SLC25A26: variants seen among roughly 807,000 people sequenced by gnomAD.
The protein encoded by SLC25A26 is solute carrier family 25 member 26.
SLC25A26 carries 36 observed loss-of-function variants against 37.8 expected under a neutral mutation model. The observed-to-expected ratio is 0.95, with a 90% CI of 0.73 to 1.26. The LOEUF (loss-of-function observed/expected upper bound fraction) is 1.26, where lower values mean the gene tolerates loss of function less well. Among genes scored for constraint, SLC25A26 ranks in the 50% most tolerant of loss-of-function variants. The probability of loss-of-function intolerance (pLI) is 0.00; values close to 1 mark genes in which losing one functional copy is unlikely to be tolerated. For synonymous variants in SLC25A26, 129 were observed against 122.5 expected, an observed-to-expected ratio of 1.05 and a Z score of -0.35; for missense variants, 390 against 331.1, an observed-to-expected ratio of 1.18 and a Z score of -1.38.
At position 66,298,679 on chromosome 3, in the gene SLC25A26, A is replaced by G. The variant is rs2074980757; in HGVS notation, c.453+35300A>G. 2.0e-5 allele frequency among the ~76,000 whole-genome samples: 3 copies of G among 152,212 alleles called. No homozygotes were observed. In the South Asian group the frequency reaches 6.2e-4, roughly 31 times the overall value. On this transcript the variant is annotated intron_variant, in intron 5 of 9. Transcript: ENST00000354883. ...GAATTGACTTTTTCCTCAGTGCTAA[A>G]AGCTGCTAGAAATGAGCACCAGTCA...
chr3:66,374,239 T>C (rs1448296607), intron 9 of SLC25A26, among the ~76,000 whole-genome samples: 1 of 152,184 alleles, frequency 6.6e-6, no homozygotes, highest in Non-Finnish European at 1.5e-5. Context: ...GAGCGAGTCT[T>C]GCAGAGCCCT....
intron 1 of SLC25A26, among the ~76,000 whole-genome samples, chr3:66,149,720 G>T (rs1470010069): frequency 2.0e-5 from 3 of 152,178 alleles, no homozygotes; most frequent in African/African-American, 7.2e-5. Flanking sequence ...TTGCTCAACT[G>T]TAAAATGTGT....
chr3:66,163,123 C>T (rs570974019), intron 1 of SLC25A26, among the ~76,000 whole-genome samples: 3 of 152,248 alleles, frequency 2.0e-5, no homozygotes, highest in East Asian at 3.9e-4. Context: ...AATGTTCACT[C>T]TTTTAAAGAG....
chr3:66,218,559 A>T (rs1017799315), upstream of SLC25A26, among the ~76,000 whole-genome samples: 1 of 152,182 alleles, frequency 6.6e-6, no homozygotes, highest in Non-Finnish European at 1.5e-5. Context: ...AGTGATCCTC[A>T]TCTTCCGGTA....
At chr3:66,249,146 A>G (rs2072975765) in intron 3 of SLC25A26, among the ~76,000 whole-genome samples, 1 of 152,202 alleles carries the variant, frequency 6.6e-6, no homozygotes, top group African/African-American at 2.4e-5. Flanking sequence ...GGCTAGTTTA[A>G]TAAACTGGTT....
intron 1 of SLC25A26, among the ~76,000 whole-genome samples, chr3:66,180,574 T>C (rs36151173): frequency 0.59 from 90,435 of 152,028 alleles, 27,661 homozygotes; most frequent in African/African-American, 0.71. Context: ...TGCACAAAAC[T>C]TGCTTCGTTC....
chr3:66,345,038 C>G (rs142128095), intron 5 of SLC25A26, among the ~76,000 whole-genome samples: 4 of 152,294 alleles, frequency 2.6e-5, no homozygotes, highest in African/African-American at 9.6e-5. Flanking sequence ...TTACAAAGTG[C>G]ATATTTGCAG....
At chr3:66,281,865 C>T (rs1186060095) in intron 5 of SLC25A26, among the ~76,000 whole-genome samples, 1 of 149,126 alleles carries the variant, frequency 6.7e-6, no homozygotes, top group Non-Finnish European at 1.5e-5. Flanking sequence ...TTCTGTTGCC[C>T]AGGCTGGAGT....
At chr3:66,150,601 GAGATATATATATATATATATATATAT>G (rs2070189287) in intron 1 of SLC25A26, among the ~76,000 whole-genome samples, 1 of 40,838 alleles carries the variant, frequency 2.4e-5, no homozygotes, top group Admixed American at 4.2e-4. Flanking sequence ...TATATGTAAT[GAGATATATATATATATATATATATAT>G]ATATATATAT....
At chr3:66,347,658 T>C (rs752599256) in intron 6 of SLC25A26, among the ~76,000 whole-genome samples, 5 of 152,228 alleles carry the variant, frequency 3.3e-5, no homozygotes, top group African/African-American at 4.8e-5. Context: ...CATTCTGTTA[T>C]AAAGATACAT....
chr3:66,332,632 G>A (rs2076003909), intron 5 of SLC25A26, among the ~76,000 whole-genome samples: 1 of 152,042 alleles, frequency 6.6e-6, no homozygotes, highest in Admixed American at 6.6e-5. Context: ...GGCTGGTCTT[G>A]AACTCCTGAA....
chr3:66,195,641 T>C (rs1576631794), intron 1 of SLC25A26, among the ~76,000 whole-genome samples: 1 of 152,208 alleles, frequency 6.6e-6, no homozygotes, highest in Admixed American at 6.5e-5. Context: ...GCTCGGCGTC[T>C]CCATCTTCTG....
intron 5 of SLC25A26, among the ~76,000 whole-genome samples, chr3:66,325,661 G>A (rs1250566951): frequency 1.3e-5 from 2 of 152,152 alleles, no homozygotes; most frequent in Non-Finnish European, 2.9e-5. Flanking sequence ...CAGCAGCCCA[G>A]GCAGAGGAAT....
chr3:66,303,607 C>T (rs2075135321), intron 5 of SLC25A26, among the ~76,000 whole-genome samples: 1 of 152,222 alleles, frequency 6.6e-6, no homozygotes, highest in South Asian at 2.1e-4. Context: ...CTTCAAGTGT[C>T]ATGTAACATC....
At chr3:66,159,344 C>A (rs1259371088) in intron 1 of SLC25A26, among the ~76,000 whole-genome samples, 1 of 152,174 alleles carries the variant, frequency 6.6e-6, no homozygotes, top group East Asian at 1.9e-4. Flanking sequence ...TCATCCATGA[C>A]CTATTAAATC....
upstream of SLC25A26, among the ~76,000 whole-genome samples, chr3:66,218,917 C>A (rs1049150144): frequency 2.6e-5 from 4 of 152,200 alleles, no homozygotes; most frequent in African/African-American, 9.7e-5. Flanking sequence ...ACTGTAGTGT[C>A]ATGAAAATTT....
At chr3:66,155,689 A>G (rs1264779784) in intron 1 of SLC25A26, among the ~76,000 whole-genome samples, 6 of 152,236 alleles carry the variant, frequency 3.9e-5, no homozygotes, top group South Asian at 2.1e-4. Context: ...GTCTGGAAGT[A>G]TGTCTGGAAG....
Position 66,204,580 on chromosome 3 carries a change from A to C in SLC25A26, c.-353-16162A>C, listed in dbSNP as rs1002656195. ...ATTTTCAGTTTTCTGTTTTAAAAGC[A>C]TTAATTAGAATGCTAGCACCCCAGA... On this transcript the variant is annotated intron_variant, in intron 1 of 10. Coordinates refer to the SLC25A26 transcript ENST00000676754. Among the ~76,000 whole-genome samples the C allele has an allele frequency of 3.9e-5, 6 of 152,298 alleles. No homozygotes were observed. The South Asian group carries it at 6.2e-4, about 16-fold the overall frequency.
chr3:66,369,078 T>C (rs332381), intron 7 of SLC25A26, among the ~76,000 whole-genome samples: 99,044 of 145,594 alleles, frequency 0.68, 34,353 homozygotes, highest in African/African-American at 0.81. Context: ...GACAGTGGCC[T>C]ATAGAAAGTC....
Sources: allele counts gnomAD v4.1 joint callset (sites outside exome capture counted in the v4.1 genomes callset), GRCh38; gene constraint gnomAD v4.1.1; transcripts MANE v1.5; gene names NCBI Gene and HGNC (gene_info 2026-07-23, HGNC 2026-07-21).